Variants in RGS6 observed in about 807,000 individuals in gnomAD.
RGS6 encodes the protein regulator of G-protein signaling 6.
A neutral mutation model predicts 78.5 loss-of-function variants in RGS6; 30 were observed. The ratio of observed to expected loss-of-function variants is 0.38; its 90% confidence interval spans 0.29 to 0.52. RGS6 has a LOEUF of 0.52. Among genes scored for constraint, RGS6 ranks in the 20% least tolerant of loss-of-function variants. The probability of loss-of-function intolerance (pLI) is 0.85; values close to 1 mark genes in which losing one functional copy is unlikely to be tolerated. For synonymous variants in RGS6, 206 were observed against 206.0 expected, an observed-to-expected ratio of 1.00 and a Z score of 0.00; for missense variants, 495 against 609.7, an observed-to-expected ratio of 0.81 and a Z score of 1.98.
chr14:72,330,698 T>C (rs2074812949), intron 2 of RGS6, among the ~76,000 whole-genome samples: 1 of 152,152 alleles, frequency 6.6e-6, no homozygotes, highest in Non-Finnish European at 1.5e-5. Flanking sequence ...AAAATTAATA[T>C]TGCATGCTTG....
chr14:72,092,235 A>G (rs2095291871), intron 2 of RGS6, among the ~76,000 whole-genome samples: 1 of 151,992 alleles, frequency 6.6e-6, no homozygotes, highest in Non-Finnish European at 1.5e-5. Context: ...CATGTTGGCC[A>G]GTCTGGTCTC....
At chr14:72,335,624 G>C (rs1266489676) in intron 2 of RGS6, among the ~76,000 whole-genome samples, 1 of 152,072 alleles carries the variant, frequency 6.6e-6, no homozygotes, top group African/African-American at 2.4e-5. Flanking sequence ...CGTGGTTTAT[G>C]GTTTTGTTTA....
At chr14:72,497,644 A>G (rs1300112157) in intron 13 of RGS6, among the ~76,000 whole-genome samples, 1 of 152,186 alleles carries the variant, frequency 6.6e-6, no homozygotes, top group Non-Finnish European at 1.5e-5. Flanking sequence ...GCCTCCCTTA[A>G]ATCCCATTCT....
At chr14:72,424,066 A>G (rs2094327804) in intron 3 of RGS6, among the ~76,000 whole-genome samples, 1 of 152,174 alleles carries the variant, frequency 6.6e-6, no homozygotes, top group Non-Finnish European at 1.5e-5. Flanking sequence ...CATAGCAGGC[A>G]TGAGGTGGTT....
intron 2 of RGS6, among the ~76,000 whole-genome samples, chr14:71,975,331 G>GC (rs1240167024): frequency 6.6e-6 from 1 of 152,104 alleles, no homozygotes; most frequent in Non-Finnish European, 1.5e-5. Context: ...AATGTAATCT[G>GC]TTTTTTCCTT....
intron 3 of RGS6, among the ~76,000 whole-genome samples, chr14:72,365,466 GGT>G (rs902113110): frequency 1.3e-5 from 2 of 152,116 alleles, no homozygotes; most frequent in African/African-American, 4.8e-5. Context: ...CTGGCTTTGT[GGT>G]GTGTTTGTTT....
chr14:72,033,483 C>T (rs1267564292), intron 2 of RGS6, among the ~76,000 whole-genome samples: 2 of 152,084 alleles, frequency 1.3e-5, no homozygotes, highest in Non-Finnish European at 2.9e-5. Flanking sequence ...GGTCCTCTTG[C>T]CTTAGCCTCT....
intron 2 of RGS6, among the ~76,000 whole-genome samples, chr14:72,280,667 A>G (rs1437396358): frequency 6.6e-6 from 1 of 152,224 alleles, no homozygotes; most frequent in Middle Eastern, 3.2e-3. Flanking sequence ...CAGAAGAGAC[A>G]TTTTATTATT....
chr14:71,970,620 C>T (rs968382914), intron 2 of RGS6, among the ~76,000 whole-genome samples: 1 of 152,078 alleles, frequency 6.6e-6, no homozygotes, highest in African/African-American at 2.4e-5. Context: ...AGTCTGGGGA[C>T]CTGCAGGTCC....
the RGS6 span, among the ~76,000 whole-genome samples, chr14:72,625,348 T>G: frequency 1.3e-5 from 2 of 152,220 alleles, no homozygotes; most frequent in African/African-American, 4.8e-5. Flanking sequence ...ATTATTTTTT[T>G]GCTCAAGTTT....
the RGS6 span, among the ~76,000 whole-genome samples, chr14:72,600,623 C>T: frequency 6.6e-6 from 1 of 152,098 alleles, no homozygotes; most frequent in Non-Finnish European, 1.5e-5. Flanking sequence ...ATTCAAGGAG[C>T]CCTGAAGCCC....
intron 2 of RGS6, among the ~76,000 whole-genome samples, chr14:72,343,784 A>G (rs1317570875): frequency 1.3e-5 from 2 of 152,176 alleles, no homozygotes; most frequent in African/African-American, 2.4e-5. Flanking sequence ...GGCCTTGAAC[A>G]ATTTACCGTT....
At chr14:72,163,635 A>G (rs2096882954) in intron 2 of RGS6, among the ~76,000 whole-genome samples, 1 of 152,252 alleles carries the variant, frequency 6.6e-6, no homozygotes, top group Non-Finnish European at 1.5e-5. Flanking sequence ...CTGTAATCCC[A>G]GTACTTTGGG....
intron 2 of RGS6, among the ~76,000 whole-genome samples, chr14:72,276,797 T>C (rs1378987117): frequency 6.6e-6 from 1 of 152,186 alleles, no homozygotes; most frequent in Non-Finnish European, 1.5e-5. Context: ...CAAAACTCTT[T>C]TTTCTTTAAT....
chr14:72,226,764 G>A (rs182943516), intron 2 of RGS6, among the ~76,000 whole-genome samples: 10 of 152,194 alleles, frequency 6.6e-5, no homozygotes, highest in East Asian at 1.9e-4. Flanking sequence ...GTGCAGTGGC[G>A]CAATCTTGGC....
intron 2 of RGS6, among the ~76,000 whole-genome samples, chr14:72,114,478 T>A (rs147005373): frequency 2.8e-4 from 43 of 152,306 alleles, no homozygotes; most frequent in African/African-American, 9.9e-4. Flanking sequence ...ACTGTCAGAT[T>A]CTGCTAAGGT....
At chr14:72,192,497 ACT>A (rs1328748715) in intron 2 of RGS6, among the ~76,000 whole-genome samples, 2 of 152,010 alleles carry the variant, frequency 1.3e-5, no homozygotes, top group African/African-American at 4.8e-5. Context: ...CCCCAACCTC[ACT>A]CTCTCAGGAG....
chr14:72,250,168 C>T (rs2153836753), intron 2 of RGS6, among the ~76,000 whole-genome samples: 1 of 151,122 alleles, frequency 6.6e-6, no homozygotes, highest in South Asian at 2.1e-4. Flanking sequence ...TGCAGTGCAC[C>T]AGCATGACAC....
At chr14:72,069,729 G>A (rs113985388) in intron 2 of RGS6, among the ~76,000 whole-genome samples, 20 of 151,706 alleles carry the variant, frequency 1.3e-4, no homozygotes, top group Non-Finnish European at 2.5e-4. Context: ...TAGTAGAGAC[G>A]GGGTTTCACC....
Sources: allele counts gnomAD v4.1 joint callset (sites outside exome capture counted in the v4.1 genomes callset), GRCh38; gene constraint gnomAD v4.1.1; transcripts MANE v1.5; gene names NCBI Gene and HGNC (gene_info 2026-07-23, HGNC 2026-07-21).